PDGFRA: variants seen among roughly 807,000 people sequenced by gnomAD.
The protein encoded by PDGFRA is platelet derived growth factor receptor alpha.
PDGFRA carries 25 observed loss-of-function variants against 121.5 expected under a neutral mutation model. The observed-to-expected ratio is 0.21, with a 90% CI of 0.15 to 0.29. The LOEUF (loss-of-function observed/expected upper bound fraction) is 0.29, where lower values mean the gene tolerates loss of function less well. Among genes scored for constraint, PDGFRA ranks in the 10% least tolerant of loss-of-function variants. PDGFRA has a pLI of 1.00. For synonymous variants in PDGFRA, 463 were observed against 494.8 expected, an observed-to-expected ratio of 0.94 and a Z score of 0.85; for missense variants, 1,008 against 1,345.1, an observed-to-expected ratio of 0.75 and a Z score of 3.92.
chr4:54,246,905 G>A (rs1273135705), intron 1 of PDGFRA, among the ~76,000 whole-genome samples: 1 of 151,306 alleles, frequency 6.6e-6, no homozygotes, highest in Non-Finnish European at 1.5e-5. Context: ...CGATCCCACA[G>A]AAATGCAAAC....
chr4:54,262,234 AT>A (rs1722789844), intron 3 of PDGFRA, among the ~76,000 whole-genome samples: 1 of 151,420 alleles, frequency 6.6e-6, no homozygotes, highest in African/African-American at 2.4e-5. Context: ...CCTAATTTTT[AT>A]TTTTATTTTT....
chr4:54,287,298 A>G, intron 18 of PDGFRA, 132 bp from the exon 19 acceptor site: 1 of 750,586 alleles, frequency 1.3e-6, no homozygotes. Context: ...AAACACATGT[A>G]AAAGACACTC....
intron 22 of PDGFRA, 66 bp downstream of exon 22, chr4:54,290,620 C>G: frequency 1.3e-6 from 2 of 1,580,226 alleles, no homozygotes; most frequent in Non-Finnish European, 1.7e-6. Flanking sequence ...AGGAGAGGAC[C>G]CATTTTCCCG....
At chr4:54,242,476 A>AT (rs1721359376) in intron 1 of PDGFRA, among the ~76,000 whole-genome samples, 1 of 152,074 alleles carries the variant, frequency 6.6e-6, no homozygotes, top group Admixed American at 6.6e-5. Context: ...ATTTAAAAGG[A>AT]TTTTTTAAAG....
At chr4:54,231,755 G>A (rs1456728423) in intron 1 of PDGFRA, among the ~76,000 whole-genome samples, 1 of 152,260 alleles carries the variant, frequency 6.6e-6, no homozygotes, top group East Asian at 1.9e-4. Context: ...TCACAAGAGT[G>A]AGGGGAAGCC....
chr4:54,279,680 T>G (rs1723957514), intron 15 of PDGFRA, among the ~76,000 whole-genome samples: 1 of 152,058 alleles, frequency 6.6e-6, no homozygotes, highest in East Asian at 1.9e-4. Context: ...TGAACCCAGT[T>G]TGTAGTCTTT....
intron 20 of PDGFRA, 39 bp from the exon 21 acceptor site, chr4:54,288,970 A>C: frequency 6.6e-7 from 1 of 1,518,956 alleles, no homozygotes; most frequent in East Asian, 2.3e-5. Flanking sequence ...GGGCCCTGAG[A>C]CTTCCCCCTG....
intron 1 of PDGFRA, among the ~76,000 whole-genome samples, chr4:54,248,844 C>G (rs1251079920): frequency 6.6e-6 from 1 of 152,112 alleles, no homozygotes; most frequent in African/African-American, 2.4e-5. Flanking sequence ...TATCCAGACT[C>G]TACAATGAAC....
In PDGFRA at chr4:54,296,749, G is replaced by A. The variant is rs976905032; in HGVS notation, c.*1477G>A. 4.3e-6 allele frequency: 1 copy of A among 233,054 alleles called. No individual in the cohort carries two copies. Among genetic ancestry groups the A allele is most frequent in the Admixed American group, 5.6e-5 (1 of 17,802 alleles). 14.4% of individuals were successfully genotyped at this position (233,054 alleles called of 1,614,324 possible). A position where few individuals can be genotyped will look rare whatever the true frequency, so the allele number is the denominator to read the frequency against. ...CTTAGGTTTCAGGAAGTTGCCATGGGAAACAAATAATTTGAACTTTGGAAC... is the reference window on the plus strand; with the variant it reads ...CTTAGGTTTCAGGAAGTTGCCATGGAAAACAAATAATTTGAACTTTGGAAC... On this transcript the variant is annotated 3_prime_UTR_variant, in exon 23 of 23. Transcript: ENST00000257290.
intron 1 of PDGFRA, among the ~76,000 whole-genome samples, chr4:54,256,548 A>ATT (rs112937152): frequency 2.8e-5 from 4 of 144,060 alleles, no homozygotes; most frequent in African/African-American, 7.6e-5. Context: ...TCTACAAATA[A>ATT]TTTTTTTTTT....
Position 54,265,500 on chromosome 4 carries a change from G to T in PDGFRA, c.759+451G>T, listed in dbSNP as rs573572068. Reference sequence around the variant, plus strand: ...CCTCTTCTGCCTTGTTGGCACCCAGGACAATGTGTCTTCCTGTTCCACCTC... The same window carrying T: ...CCTCTTCTGCCTTGTTGGCACCCAGTACAATGTGTCTTCCTGTTCCACCTC... On this transcript the variant is annotated intron_variant, in intron 5 of 22. Coordinates refer to ENST00000257290, the MANE Select transcript of PDGFRA (RefSeq NM_006206.6). The T allele has an allele frequency of 1.3e-4, 35 of 268,048 alleles. 1 individual carries two copies. The South Asian group carries it at 1.5e-3, about 12-fold the overall frequency. The allele number at this position is 268,048 out of a possible 1,614,324, so 16.6% of individuals were successfully genotyped here.
chr4:54,246,045 A>G (rs1721639481), intron 1 of PDGFRA, among the ~76,000 whole-genome samples: 1 of 152,238 alleles, frequency 6.6e-6, no homozygotes, highest in Non-Finnish European at 1.5e-5. Flanking sequence ...CCAACAATAC[A>G]GGAGCACCCA....
intron 1 of PDGFRA, among the ~76,000 whole-genome samples, chr4:54,246,592 T>C (rs986399168): frequency 1.1e-4 from 16 of 152,018 alleles, no homozygotes; most frequent in African/African-American, 3.9e-4. Flanking sequence ...TTTATAGCAC[T>C]AAATGCCCAC....
intron 12 of PDGFRA, among the ~76,000 whole-genome samples, chr4:54,275,551 C>T (rs529653514): frequency 5.9e-5 from 9 of 152,212 alleles, no homozygotes; most frequent in African/African-American, 1.9e-4. Context: ...AAATCACATT[C>T]CTAATGAATG....
At chr4:54,281,825 A>T in intron 16 of PDGFRA, 2 of 1,245,976 alleles carry the variant, frequency 1.6e-6, no homozygotes, top group African/African-American at 1.5e-5. Flanking sequence ...GGGAAAGTGG[A>T]CAAGTTACAA....
intron 17 of PDGFRA, 137 bp from the exon 18 acceptor site, chr4:54,285,704 G>C: frequency 1.1e-6 from 1 of 942,584 alleles, no homozygotes; most frequent in Non-Finnish European, 1.7e-6. Context: ...GGTGGAGTGA[G>C]AACCTGGGAG....
Position 54,274,641 on chromosome 4 carries a change from T to G in PDGFRA, c.1653+16T>G. 6.3e-7 allele frequency: 1 copy of G among 1,590,352 alleles called. No individual in the cohort carries two copies. The highest frequency in any genetic ancestry group is 2.2e-5 in the East Asian group (1 of 44,780). On this transcript the variant is annotated intron_variant, in intron 11 of 22. Coordinates refer to ENST00000257290, the MANE Select transcript of PDGFRA (RefSeq NM_006206.6). The stretch of plus-strand genomic sequence containing the variant: ...TTGGAAACAGGTAGATATTTTCTCA[T>G]AAAACTAAAGATCTTTGAAGCCAAT...
At chr4:54,275,489 T>C (rs1486742288) in intron 12 of PDGFRA, among the ~76,000 whole-genome samples, 1 of 152,240 alleles carries the variant, frequency 6.6e-6, no homozygotes, top group East Asian at 1.9e-4. Flanking sequence ...ATTTCAATCC[T>C]GGGCTGAGAC....
At chr4:54,260,936 C>T (rs1427181756) in intron 2 of PDGFRA, among the ~76,000 whole-genome samples, 159 bp from the exon 3 acceptor site, 1 of 152,122 alleles carries the variant, frequency 6.6e-6, no homozygotes. Flanking sequence ...GATGCAGTGG[C>T]TGTTATAATG....
Sources: gnomAD v4.1 joint callset for allele counts (sites outside exome capture counted in the v4.1 genomes callset) on GRCh38, gnomAD v4.1.1 for gene constraint, MANE v1.5 for transcripts, NCBI Gene and HGNC (gene_info 2026-07-23, HGNC 2026-07-21) for gene names.